The following CGA variants were observed in gnomAD, a reference collection of about 807,000 sequenced individuals.
CGA encodes glycoprotein hormones alpha chain.
A neutral mutation model predicts 12.0 loss-of-function variants in CGA; 4 were observed. The ratio of observed to expected loss-of-function variants is 0.33; its 90% confidence interval spans 0.16 to 0.76. The LOEUF (loss-of-function observed/expected upper bound fraction) is 0.76. CGA is among the 30% of genes least tolerant of loss of function. The probability of loss-of-function intolerance (pLI) is 0.60; values close to 1 mark genes in which losing one functional copy is unlikely to be tolerated. For missense variants in CGA, 102 were observed against 143.5 expected, an observed-to-expected ratio of 0.71 and a Z score of 1.48; for synonymous variants, 60 against 56.6, an observed-to-expected ratio of 1.06 and a Z score of -0.27.
At chr6:87,087,104 G>A (rs1769338609) in intron 2 of CGA, among the ~76,000 whole-genome samples, 2 of 152,050 alleles carry the variant, frequency 1.3e-5, no homozygotes, top group Admixed American at 1.3e-4. Context: ...GCAAGACAAG[G>A]CAAGGCAACA....
intron 2 of CGA, chr6:87,086,640 G>A: frequency 1.9e-6 from 1 of 537,108 alleles, no homozygotes; most frequent in South Asian, 2.4e-5. Flanking sequence ...ACAAAAATTA[G>A]CCAGACGTGA....
Position 87,085,793 on chromosome 6 carries a change from G to A in CGA, c.314C>T (p.Ala105Val), listed in dbSNP as rs745838602. 24 of 1,612,556 alleles carry A rather than the reference G, an allele frequency of 1.5e-5. No individual in the cohort carries two copies. The highest frequency in any genetic ancestry group is 9.3e-5 in the African/African-American group (7 of 74,868). ...MGGFKVENHTACHCSTCYYHK... is the reference protein window; with the variant it reads ...MGGFKVENHTVCHCSTCYYHK... The stretch of plus-strand genomic sequence containing the variant: ...ATAATAACAAGTACTGCAGTGGCAC[G>A]CCGTGTGGTTCTCCACTTTGAAACC... Residue 105 changes from alanine to valine, a missense_variant, in exon 4 of 4, where the codon GCG becomes GTG. By Grantham distance (64) the Ala-to-Val change is moderately conservative. Transcript: ENST00000627148.
At chr6:87,087,467 T>C (rs1386631198) in intron 2 of CGA, among the ~76,000 whole-genome samples, 1 of 152,224 alleles carries the variant, frequency 6.6e-6, no homozygotes, top group Non-Finnish European at 1.5e-5. Context: ...TAGAATCTGC[T>C]ATTGTTTTTC....
chr6:87,090,056 G>A (rs1769403736), intron 1 of CGA, among the ~76,000 whole-genome samples: 1 of 152,070 alleles, frequency 6.6e-6, no homozygotes, highest in African/African-American at 2.4e-5. Flanking sequence ...TACTCAACCT[G>A]TATAGAAATT....
chr6:87,091,093 A>G (rs531372625), intron 1 of CGA, among the ~76,000 whole-genome samples: 190 of 152,326 alleles, frequency 1.2e-3, no homozygotes, highest in African/African-American at 4.3e-3. Flanking sequence ...TGCAGCTCAT[A>G]TATTATGAAA....
At position 87,088,105 on chromosome 6, in the gene CGA, T is replaced by C. The variant is rs745325225; in HGVS notation, c.88+8A>G. 6.3e-7 allele frequency: 1 copy of C among 1,575,474 alleles called. No individual in the cohort carries two copies. Among genetic ancestry groups the C allele is most frequent in the East Asian group, 2.3e-5 (1 of 43,910 alleles). ...CTTATTACTTGAACCACAAATTTGG[T>C]CACGCACCCTGCACATCAGGAGCGG... On this transcript the variant is annotated splice_region_variant and intron_variant, in intron 2 of 3. Transcript: ENST00000627148.
chr6:87,090,355 A>AT (rs1280444624), intron 1 of CGA, among the ~76,000 whole-genome samples: 1 of 152,158 alleles, frequency 6.6e-6, no homozygotes, highest in Non-Finnish European at 1.5e-5. Flanking sequence ...GCTACATGAC[A>AT]TGTAATTTTA....
intron 3 of CGA, 92 bp from the exon 4 acceptor site, chr6:87,085,925 C>G: frequency 1.1e-6 from 1 of 915,752 alleles, no homozygotes. Context: ...AAATTGTTTG[C>G]ATTCTGCTGA....
Position 87,085,539 on chromosome 6 carries a change from C to A in CGA, c.*217G>T. 4.1e-6 allele frequency: 2 copies of A among 483,652 alleles called. No homozygotes were observed. The highest frequency in any genetic ancestry group is 7.0e-5 in the Admixed American group (2 of 28,766). 30.0% of individuals were successfully genotyped at this position (483,652 alleles called of 1,614,324 possible). ...AAGGCTTTATTTGCAGTGGAACAAG[C>A]TAAATGCTGTATTCATTCCAAATGA... On this transcript the variant is annotated 3_prime_UTR_variant, in exon 4 of 4. Coordinates refer to ENST00000627148, the MANE Select transcript of CGA (RefSeq NM_000735.4).
At chr6:87,091,540 T>A (rs1384356408) in intron 1 of CGA, among the ~76,000 whole-genome samples, 1 of 152,212 alleles carries the variant, frequency 6.6e-6, no homozygotes, top group Non-Finnish European at 1.5e-5. Flanking sequence ...CTTCTTTTGG[T>A]ATTTCACATG....
chr6:87,094,655 A>T (rs926793956), intron 1 of CGA, among the ~76,000 whole-genome samples: 1 of 152,218 alleles, frequency 6.6e-6, no homozygotes, highest in Non-Finnish European at 1.5e-5. Flanking sequence ...AATGGATAAT[A>T]AAACAATATC....
Position 87,085,562 on chromosome 6 carries a change from T to C in CGA, c.*194A>G. The C allele has an allele frequency of 1.8e-6, 1 of 545,316 alleles. No individual in the cohort carries two copies. Among genetic ancestry groups the C allele is most frequent in the Non-Finnish European group, 3.3e-6 (1 of 298,652 alleles). The allele number at this position is 545,316 out of a possible 1,614,324, so 33.8% of individuals were successfully genotyped here. On this transcript the variant is annotated 3_prime_UTR_variant, in exon 4 of 4. Transcript: ENST00000627148. Reference sequence around the variant, plus strand: ...AGCTAAATGCTGTATTCATTCCAAATGAAAAGAACTAGACTGCTGATTGTA... The same window carrying C: ...AGCTAAATGCTGTATTCATTCCAAACGAAAAGAACTAGACTGCTGATTGTA...
chr6:87,086,388 C>T lies in CGA; in HGVS notation c.135G>A (p.Pro45=), dbSNP rs1769324587. The change falls in exon 3 of 4, where the codon CCG becomes CCA. Residue 45 remains proline (P), a synonymous_variant. Coordinates refer to ENST00000627148, the MANE Select transcript of CGA (RefSeq NM_000735.4). ...TLQENPFFSQ[P]GAPILQCMGC... is the part of the protein sequence containing the mutation. ...CCATGCACTGAAGTATTGGGGCACC[C>T]GGCTGGGAGAAGAATGGGTTTTCCT... 8.1e-6 allele frequency: 13 copies of T among 1,613,208 alleles called. No homozygotes were observed. The highest frequency in any genetic ancestry group is 9.3e-6 in the Non-Finnish European group (11 of 1,179,748).
rs775035394 is a variant in CGA, at chr6:87,085,673, T to A, written c.*83A>T. ...TATGGTAAGGAAAAGGAGAGTTTTA[T>A]CTCACAAAGCCATAAACACTAAACA... On this transcript the variant is annotated 3_prime_UTR_variant, in exon 4 of 4. Coordinates refer to ENST00000627148, the MANE Select transcript of CGA (RefSeq NM_000735.4). The A allele has an allele frequency of 8.5e-5, 80 of 938,020 alleles. No homozygotes were observed. Among genetic ancestry groups the A allele is most frequent in the Non-Finnish European group, 1.3e-4 (78 of 586,250 alleles). The allele number at this position is 938,020 out of a possible 1,614,324, so 58.1% of individuals were successfully genotyped here. A position where few individuals can be genotyped will look rare whatever the true frequency, so the allele number is the denominator to read the frequency against.
chr6:87,092,467 C>T (rs1480483738), intron 1 of CGA, among the ~76,000 whole-genome samples: 1 of 150,716 alleles, frequency 6.6e-6, no homozygotes, highest in Admixed American at 6.6e-5. Flanking sequence ...GAACTGGGAT[C>T]GAGCCACTGT....
In CGA at chr6:87,085,686, T is replaced by TAAAC. The variant is rs1211498881; in HGVS notation, c.*66_*69dup. On this transcript the variant is annotated 3_prime_UTR_variant, in exon 4 of 4. Transcript: ENST00000627148. ...AGGAGAGTTTTATCTCACAAAGCCA[T>TAAAC]AAACACTAAACAACTTAATTTTCCA... is the stretch of plus-strand genomic sequence containing the variant. 10 of 1,077,066 alleles carry TAAAC rather than the reference T, an allele frequency of 9.3e-6. No individual in the cohort carries two copies. In the African/African-American group the frequency reaches 1.6e-4, roughly 17 times the overall value. 66.7% of individuals were successfully genotyped at this position (1,077,066 alleles called of 1,614,324 possible).
intron 1 of CGA, among the ~76,000 whole-genome samples, chr6:87,089,549 A>T (rs1769392152): frequency 6.6e-6 from 1 of 152,236 alleles, no homozygotes; most frequent in East Asian, 1.9e-4. Context: ...ATCTGCAATT[A>T]TTCAAAATAA....
At chr6:87,088,536 A>G (rs780238893) in intron 1 of CGA, among the ~76,000 whole-genome samples, 4 of 152,050 alleles carry the variant, frequency 2.6e-5, no homozygotes, top group Non-Finnish European at 5.9e-5. Flanking sequence ...AGAAGCCTCA[A>G]TGTCCTTATT....
intron 1 of CGA, among the ~76,000 whole-genome samples, chr6:87,094,361 AG>A (rs1437003722): frequency 6.6e-6 from 1 of 152,270 alleles, no homozygotes; most frequent in Non-Finnish European, 1.5e-5. Context: ...GCTGCAAAAA[AG>A]TTTCCAGAAA....
Sources: allele counts gnomAD v4.1 joint callset (sites outside exome capture counted in the v4.1 genomes callset), GRCh38; gene constraint gnomAD v4.1.1; transcripts MANE v1.5; gene names NCBI Gene and HGNC (gene_info 2026-07-23, HGNC 2026-07-21).